SPMIP2: variants seen among roughly 807,000 people sequenced by gnomAD.
The protein encoded by SPMIP2 is protein SPMIP2.
At chr4:159,045,054 GCACT>G in the SPMIP2 span, among the ~76,000 whole-genome samples, 1 of 151,100 alleles carries the variant, frequency 6.6e-6, no homozygotes, top group Non-Finnish European at 1.5e-5. Flanking sequence ...TTATACCACT[GCACT>G]CTAGCCTGGG....
the SPMIP2 span, among the ~76,000 whole-genome samples, chr4:159,011,589 T>C: frequency 6.6e-6 from 1 of 150,786 alleles, no homozygotes; most frequent in Non-Finnish European, 1.5e-5. Context: ...CTGTCTCTAC[T>C]GAAAATACAA....
chr4:158,930,659 AT>A, the SPMIP2 span, among the ~76,000 whole-genome samples: 3 of 151,346 alleles, frequency 2.0e-5, no homozygotes, highest in Admixed American at 6.6e-5. Context: ...GCCCAGCTAA[AT>A]TTTTTATTTT....
the SPMIP2 span, among the ~76,000 whole-genome samples, chr4:158,981,835 A>G: frequency 3.2e-5 from 4 of 124,502 alleles, no homozygotes; most frequent in Admixed American, 8.4e-5. Context: ...AAAAAAAAAG[A>G]GCTAGCATAA....
the SPMIP2 span, among the ~76,000 whole-genome samples, chr4:159,025,585 TC>T: frequency 6.6e-6 from 1 of 152,266 alleles, no homozygotes; most frequent in Non-Finnish European, 1.5e-5. Flanking sequence ...GCTTATGGCT[TC>T]AGACTTTGGG....
the SPMIP2 span, among the ~76,000 whole-genome samples, chr4:158,941,074 G>C: frequency 6.6e-6 from 1 of 152,140 alleles, no homozygotes; most frequent in African/African-American, 2.4e-5. Flanking sequence ...CACAGCTACT[G>C]AGTTGATCTC....
At chr4:158,956,743 A>G in the SPMIP2 span, among the ~76,000 whole-genome samples, 1 of 152,130 alleles carries the variant, frequency 6.6e-6, no homozygotes. Context: ...CCCCATCATT[A>G]TAACAAATAT....
At chr4:158,984,956 C>T in the SPMIP2 span, among the ~76,000 whole-genome samples, 1 of 151,926 alleles carries the variant, frequency 6.6e-6, no homozygotes, top group Admixed American at 6.6e-5. Context: ...GGGATATCAC[C>T]ACCGATCCCA....
the SPMIP2 span, among the ~76,000 whole-genome samples, chr4:159,056,171 G>A: frequency 6.6e-6 from 1 of 152,180 alleles, no homozygotes; most frequent in Non-Finnish European, 1.5e-5. Flanking sequence ...TAGATGGAAT[G>A]CAATAGAATG....
the SPMIP2 span, among the ~76,000 whole-genome samples, chr4:158,918,370 T>A: frequency 2.0e-5 from 3 of 152,340 alleles, no homozygotes; most frequent in South Asian, 2.1e-4. Context: ...CAAGTACAGA[T>A]TAATAGCTGG....
At chr4:158,945,913 T>C in the SPMIP2 span, among the ~76,000 whole-genome samples, 3 of 152,238 alleles carry the variant, frequency 2.0e-5, no homozygotes, top group Non-Finnish European at 4.4e-5. Context: ...ATCTGTTTAC[T>C]TGTAATTTGC....
chr4:158,958,825 G>A, the SPMIP2 span, among the ~76,000 whole-genome samples: 184 of 152,294 alleles, frequency 1.2e-3, no homozygotes, highest in Non-Finnish European at 2.2e-3. Flanking sequence ...ATTGGTGTCT[G>A]ACTAGTTAAA....
chr4:159,037,817 CACACACACACAT>C, the SPMIP2 span, among the ~76,000 whole-genome samples: 1 of 143,362 alleles, frequency 7.0e-6, no homozygotes, highest in Non-Finnish European at 1.5e-5. Context: ...CACACACACA[CACACACACACAT>C]ATATATATGT....
chr4:159,025,617 G>C, the SPMIP2 span, among the ~76,000 whole-genome samples: 2 of 151,854 alleles, frequency 1.3e-5, no homozygotes, highest in Admixed American at 1.3e-4. Context: ...TACTTGGTTG[G>C]CTTATTAAGA....
At chr4:159,028,964 G>A in the SPMIP2 span, among the ~76,000 whole-genome samples, 11 of 152,046 alleles carry the variant, frequency 7.2e-5, no homozygotes, top group South Asian at 2.1e-4. Flanking sequence ...GCGTGGTGGC[G>A]CACACCTGAA....
At chr4:159,045,815 G>A in the SPMIP2 span, among the ~76,000 whole-genome samples, 3 of 152,204 alleles carry the variant, frequency 2.0e-5, no homozygotes, top group South Asian at 2.1e-4. Context: ...CAGGCAAGCC[G>A]TCAGTTGGGG....
At chr4:158,992,404 T>C in the SPMIP2 span, among the ~76,000 whole-genome samples, 1 of 152,216 alleles carries the variant, frequency 6.6e-6, no homozygotes, top group African/African-American at 2.4e-5. Context: ...TAGCTCAGTG[T>C]TCCTCAAAAT....
chr4:158,958,848 C>T, the SPMIP2 span, among the ~76,000 whole-genome samples: 1 of 152,142 alleles, frequency 6.6e-6, no homozygotes. Context: ...GGACCCAAGC[C>T]AGGAGTTATA....
chr4:158,990,213 A>G, the SPMIP2 span, among the ~76,000 whole-genome samples: 3 of 152,350 alleles, frequency 2.0e-5, no homozygotes, highest in African/African-American at 7.2e-5. Context: ...CAATCATTAA[A>G]AAGTCAGGAA....
the SPMIP2 span, among the ~76,000 whole-genome samples, chr4:158,972,085 G>A: frequency 6.6e-6 from 1 of 152,198 alleles, no homozygotes; most frequent in African/African-American, 2.4e-5. Context: ...TTTCTGGCCG[G>A]GTGTGGTGGC....
Sources: allele counts gnomAD v4.1 joint callset (sites outside exome capture counted in the v4.1 genomes callset), GRCh38; gene constraint gnomAD v4.1.1; transcripts MANE v1.5; gene names NCBI Gene and HGNC (gene_info 2026-07-23, HGNC 2026-07-21).